Variants in CSMD3 observed in about 807,000 individuals in gnomAD.
CSMD3 encodes CUB and sushi domain-containing protein 3.
CSMD3 carries 177 observed loss-of-function variants against 435.2 expected under a neutral mutation model. The observed-to-expected ratio is 0.41, with a 90% CI of 0.36 to 0.46. The LOEUF (loss-of-function observed/expected upper bound fraction) is 0.46, where lower values mean the gene tolerates loss of function less well. CSMD3 is among the 20% of genes least tolerant of loss of function. CSMD3 has a pLI of 0.34. For synonymous variants in CSMD3, 1,656 were observed against 1,520.5 expected (o/e 1.09, Z -2.07); for missense variants, 4,265 against 4,504.6 (o/e 0.95, Z 1.52).
At chr8:113,002,399 A>C (rs1451971634) in intron 6 of CSMD3, among the ~76,000 whole-genome samples, 1 of 152,104 alleles carries the variant, frequency 6.6e-6, no homozygotes, top group Non-Finnish European at 1.5e-5. Flanking sequence ...TATGGTTTTC[A>C]AAAAAATGTC....
At chr8:112,810,801 A>C (rs1392918286) in intron 12 of CSMD3, among the ~76,000 whole-genome samples, 2 of 152,134 alleles carry the variant, frequency 1.3e-5, no homozygotes, top group Non-Finnish European at 2.9e-5. Context: ...CCCTCCAAAA[A>C]ATATTTTATT....
rs1219782109 is a variant in CSMD3 at position 112,679,268 on chromosome 8, T to A, written c.2677+3174A>T. Among the ~76,000 whole-genome samples, 3 of 152,264 alleles carry A rather than the reference T, an allele frequency of 2.0e-5. No homozygotes were observed. The East Asian group carries it at 5.8e-4, about 29-fold the overall frequency. Reference sequence around the variant, plus strand: ...GTTAGTTATAGAGTTGACAGCAGTCTGCTTTGTTGGGTGGAAACTGGCTCA... The same window carrying A: ...GTTAGTTATAGAGTTGACAGCAGTCAGCTTTGTTGGGTGGAAACTGGCTCA... On this transcript the variant is annotated intron_variant, in intron 16 of 70. Transcript: ENST00000297405.
intron 53 of CSMD3, 73 bp from the exon 54 acceptor site, chr8:112,296,079 C>T: frequency 9.1e-6 from 11 of 1,202,848 alleles, no homozygotes; most frequent in Non-Finnish European, 1.3e-5. Flanking sequence ...ACATGTGGAA[C>T]ATGAGCAAAC....
chr8:113,127,318 C>G (rs2091162214), intron 4 of CSMD3, among the ~76,000 whole-genome samples: 1 of 152,060 alleles, frequency 6.6e-6, no homozygotes, highest in African/African-American at 2.4e-5. Context: ...TTGGTATCAA[C>G]AAAATAAGGT....
intron 31 of CSMD3, among the ~76,000 whole-genome samples, chr8:112,490,317 T>C (rs1206104523): frequency 1.3e-5 from 2 of 152,184 alleles, no homozygotes; most frequent in Non-Finnish European, 2.9e-5. Flanking sequence ...TGCTGTATGC[T>C]CTAAATTGTC....
intron 56 of CSMD3, among the ~76,000 whole-genome samples, chr8:112,290,286 C>A (rs1252983683): frequency 6.6e-6 from 1 of 151,778 alleles, no homozygotes; most frequent in Non-Finnish European, 1.5e-5. Context: ...CACATGAGGA[C>A]ACAAAAACTT....
intron 13 of CSMD3, among the ~76,000 whole-genome samples, chr8:112,698,993 C>A (rs1182758348): frequency 6.6e-6 from 1 of 151,982 alleles, no homozygotes; most frequent in Admixed American, 6.6e-5. Context: ...TCTGTAAAAA[C>A]GGACCAATCA....
chr8:112,292,305 T>C (rs7009195), intron 55 of CSMD3, among the ~76,000 whole-genome samples: 30,591 of 152,112 alleles, frequency 0.2, 3,658 homozygotes, highest in East Asian at 0.36. Flanking sequence ...TTTAAAAATA[T>C]AAGTTACAAA....
intron 59 of CSMD3, among the ~76,000 whole-genome samples, chr8:112,271,842 G>A (rs1279108021): frequency 6.6e-6 from 1 of 152,106 alleles, no homozygotes; most frequent in Non-Finnish European, 1.5e-5. Context: ...TAGTGCTATG[G>A]TTTTAATATC....
intron 17 of CSMD3, among the ~76,000 whole-genome samples, chr8:112,656,592 T>C (rs1195148846): frequency 6.6e-6 from 1 of 152,134 alleles, no homozygotes; most frequent in Admixed American, 6.5e-5. Context: ...TTTCAAATAT[T>C]ATAAATTATC....
chr8:112,496,779 A>T (rs1821392980), intron 30 of CSMD3, among the ~76,000 whole-genome samples: 1 of 152,096 alleles, frequency 6.6e-6, no homozygotes, highest in East Asian at 1.9e-4. Flanking sequence ...GGGTAGAAGG[A>T]TGGTTACCAG....
intron 22 of CSMD3, among the ~76,000 whole-genome samples, chr8:112,608,075 A>C (rs1490311545): frequency 6.6e-6 from 1 of 152,048 alleles, no homozygotes; most frequent in Non-Finnish European, 1.5e-5. Context: ...CACCAACAAA[A>C]CTGGTAGAAC....
chr8:112,923,817 A>T (rs1403421468), intron 9 of CSMD3, among the ~76,000 whole-genome samples: 1 of 152,118 alleles, frequency 6.6e-6, no homozygotes, highest in African/African-American at 2.4e-5. Flanking sequence ...TCTTTTGCAG[A>T]TTTATTGGTT....
chr8:112,277,368 T>A (rs1411349071), intron 59 of CSMD3, among the ~76,000 whole-genome samples: 1 of 151,994 alleles, frequency 6.6e-6, no homozygotes, highest in Non-Finnish European at 1.5e-5. Context: ...GTAGCAAGAG[T>A]CACCTTTACT....
At position 112,787,155 on chromosome 8, in the gene CSMD3, C is replaced by T. The variant is rs2078565687; in HGVS notation, c.1972+13007G>A. Among the ~76,000 whole-genome samples the T allele has an allele frequency of 4.6e-5, 7 of 152,082 alleles. No individual in the cohort carries two copies. The South Asian group carries it at 1.5e-3, about 32-fold the overall frequency. On this transcript the variant is annotated intron_variant, in intron 13 of 70. Transcript: ENST00000297405. Reference sequence around the variant, plus strand: ...TCATTGATGGGCATTTGGGTTGGTTCCAAGTCTTTGCTATTGTGAATAGTG... The same window carrying T: ...TCATTGATGGGCATTTGGGTTGGTTTCAAGTCTTTGCTATTGTGAATAGTG...
intron 3 of CSMD3, among the ~76,000 whole-genome samples, chr8:113,237,142 G>A (rs751491351): frequency 6.6e-6 from 1 of 152,088 alleles, no homozygotes; most frequent in African/African-American, 2.4e-5. Flanking sequence ...CATTACCTAA[G>A]AAGTGATTAA....
chr8:113,050,896 G>T (rs1449816104), intron 5 of CSMD3, among the ~76,000 whole-genome samples: 1 of 152,006 alleles, frequency 6.6e-6, no homozygotes, highest in Non-Finnish European at 1.5e-5. Context: ...TTTGAGGGTA[G>T]AATTATATAT....
intron 65 of CSMD3, among the ~76,000 whole-genome samples, chr8:112,242,835 T>C (rs1459832817): frequency 6.6e-6 from 1 of 152,016 alleles, no homozygotes; most frequent in African/African-American, 2.4e-5. Flanking sequence ...GAAATATTAG[T>C]TTGTAAGTAA....
chr8:113,414,368 C>T (rs1225848415), intron 1 of CSMD3, among the ~76,000 whole-genome samples: 1 of 152,042 alleles, frequency 6.6e-6, no homozygotes, highest in East Asian at 1.9e-4. Context: ...TATCATAGTA[C>T]ACTTCTCAAG....
Sources: allele counts gnomAD v4.1 joint callset (sites outside exome capture counted in the v4.1 genomes callset), GRCh38; gene constraint gnomAD v4.1.1; transcripts MANE v1.5; gene names NCBI Gene and HGNC (gene_info 2026-07-23, HGNC 2026-07-21).